The following LINGO2 variants were observed in gnomAD, a reference collection of about 807,000 sequenced individuals.
The protein encoded by LINGO2 is leucine rich repeat and Ig domain containing 2, also known as leucine-rich repeat and immunoglobulin-like domain-containing nogo receptor-interacting protein 2.
Under a neutral mutation model 30.6 loss-of-function variants are expected in LINGO2, and 14 were observed. The ratio of observed to expected loss-of-function variants is 0.46; its 90% CI spans 0.30 to 0.72. The LOEUF is 0.72. Ranked by LOEUF, LINGO2 falls within the 30% of genes least tolerant of loss-of-function variation. LINGO2 has a pLI of 0.07. For synonymous variants in LINGO2, 317 were observed against 288.5 expected (o/e 1.10, Z -1.00); for missense variants, 729 against 751.7 (o/e 0.97, Z 0.35).
chr9:28,960,082 A>G, the LINGO2 span, among the ~76,000 whole-genome samples: 1 of 152,202 alleles, frequency 6.6e-6, no homozygotes, highest in Non-Finnish European at 1.5e-5. Flanking sequence ...ATGTTCTTGG[A>G]GCAAAAAAGT....
At chr9:28,711,534 T>C in the LINGO2 span, among the ~76,000 whole-genome samples, 1 of 151,962 alleles carries the variant, frequency 6.6e-6, no homozygotes, top group Non-Finnish European at 1.5e-5. Context: ...GTGAGCAAGG[T>C]TTTCAAAAAG....
At chr9:28,814,621 C>A in the LINGO2 span, among the ~76,000 whole-genome samples, 112 of 151,956 alleles carry the variant, frequency 7.4e-4, no homozygotes, top group African/African-American at 2.5e-3. Context: ...GGCGTGGTGG[C>A]TCACGCCTGT....
intron 1 of LINGO2, among the ~76,000 whole-genome samples, chr9:28,504,031 C>T (rs1399671855): frequency 2.0e-5 from 3 of 151,960 alleles, no homozygotes; most frequent in East Asian, 1.9e-4. Context: ...TAAAACCCCA[C>T]ACAGCAGAAA....
intron 4 of LINGO2, among the ~76,000 whole-genome samples, chr9:28,277,094 A>G (rs1823141293): frequency 6.6e-6 from 1 of 152,042 alleles, no homozygotes; most frequent in South Asian, 2.1e-4. Context: ...CTGCATTTTT[A>G]TACATTGAAG....
chr9:29,082,926 G>A, the LINGO2 span, among the ~76,000 whole-genome samples: 2 of 152,042 alleles, frequency 1.3e-5, no homozygotes, highest in African/African-American at 4.8e-5. Flanking sequence ...TAAAAAGTCA[G>A]GAAACAACAG....
chr9:29,080,331 C>T, the LINGO2 span, among the ~76,000 whole-genome samples: 5 of 151,938 alleles, frequency 3.3e-5, no homozygotes, highest in South Asian at 8.3e-4. Context: ...TCATTCCTCT[C>T]TTTTCTTCTT....
At chr9:28,815,911 T>C in the LINGO2 span, among the ~76,000 whole-genome samples, 147 of 152,318 alleles carry the variant, frequency 9.7e-4, no homozygotes, top group Admixed American at 2.7e-3. Context: ...TAGAACGGAA[T>C]ACCACGGGCT....
chr9:28,244,908 T>C (rs753208731), intron 4 of LINGO2, among the ~76,000 whole-genome samples: 2 of 151,602 alleles, frequency 1.3e-5, no homozygotes, highest in South Asian at 2.1e-4. Context: ...CCTTCAGAAA[T>C]TATTCGAAAT....
chr9:29,048,083 C>G, the LINGO2 span, among the ~76,000 whole-genome samples: 1 of 151,844 alleles, frequency 6.6e-6, no homozygotes, highest in Non-Finnish European at 1.5e-5. Flanking sequence ...TGCACTCCAG[C>G]CTGGGTGAGT....
the LINGO2 span, chr9:27,941,956 T>C: frequency 6.6e-6 from 1 of 152,176 alleles, no homozygotes; most frequent in Non-Finnish European, 1.5e-5. Context: ...ATGTATGGCT[T>C]GCTGAACCCT....
the LINGO2 span, among the ~76,000 whole-genome samples, chr9:28,947,180 T>TATATAG: frequency 7.2e-5 from 11 of 152,094 alleles, no homozygotes; most frequent in Non-Finnish European, 1.0e-4. Context: ...TATCTACATC[T>TATATAG]ATATAGATAT....
intron 4 of LINGO2, among the ~76,000 whole-genome samples, chr9:28,256,623 T>C (rs766655940): frequency 6.6e-6 from 1 of 151,896 alleles, no homozygotes; most frequent in Non-Finnish European, 1.5e-5. Context: ...AATAATTTAA[T>C]GCAGCCAGCT....
chr9:28,396,252 T>C (rs1188027856), intron 2 of LINGO2, among the ~76,000 whole-genome samples: 1 of 152,228 alleles, frequency 6.6e-6, no homozygotes, highest in African/African-American at 2.4e-5. Context: ...AGCTGCGAGT[T>C]ACAAGTGCTA....
intron 2 of LINGO2, among the ~76,000 whole-genome samples, chr9:28,463,143 T>G (rs1825151233): frequency 6.6e-6 from 1 of 152,080 alleles, no homozygotes; most frequent in African/African-American, 2.4e-5. Flanking sequence ...GCAACAAATT[T>G]TATTGTTTCA....
At chr9:28,015,124 C>CA (rs1032233457) in intron 4 of LINGO2, among the ~76,000 whole-genome samples, 5 of 152,060 alleles carry the variant, frequency 3.3e-5, no homozygotes, top group Non-Finnish European at 5.9e-5. Flanking sequence ...CCAAATCGTC[C>CA]ACGCTACTCA....
intron 1 of LINGO2, among the ~76,000 whole-genome samples, chr9:28,633,635 G>T (rs1235314326): frequency 2.6e-5 from 4 of 152,120 alleles, no homozygotes; most frequent in African/African-American, 9.7e-5. Flanking sequence ...AGATGTTCAT[G>T]ACAGGCCTGC....
the LINGO2 span, among the ~76,000 whole-genome samples, chr9:28,903,442 ACATTCATTCATTATT>A: frequency 6.6e-6 from 1 of 152,302 alleles, no homozygotes; most frequent in Admixed American, 6.5e-5. Flanking sequence ...ATTCTATCTA[ACATTCATTCATTATT>A]CATTCATTCA....
chr9:29,005,499 C>T, the LINGO2 span, among the ~76,000 whole-genome samples: 1 of 151,964 alleles, frequency 6.6e-6, no homozygotes, highest in African/African-American at 2.4e-5. Flanking sequence ...TGTGCACATC[C>T]TCCAGCATAC....
the LINGO2 span, among the ~76,000 whole-genome samples, chr9:29,084,078 T>C: frequency 6.0e-5 from 9 of 150,966 alleles, no homozygotes; most frequent in Non-Finnish European, 1.2e-4. Context: ...ACTAAAACTG[T>C]ATAAGTAATA....
Sources: allele counts gnomAD v4.1 joint callset (sites outside exome capture counted in the v4.1 genomes callset), GRCh38; gene constraint gnomAD v4.1.1; transcripts MANE v1.5; gene names NCBI Gene and HGNC (gene_info 2026-07-23, HGNC 2026-07-21).